Variants in PKHD1 observed in about 807,000 individuals in gnomAD.
The protein encoded by PKHD1 is PKHD1 ciliary IPT domain containing fibrocystin/polyductin.
PKHD1 carries 291 observed loss-of-function variants against 412.0 expected under a neutral mutation model. The ratio of observed to expected loss-of-function variants is 0.71; its 90% CI spans 0.64 to 0.78. PKHD1 has a LOEUF of 0.78. PKHD1 is among the 30% of genes least tolerant of loss of function. The probability of loss-of-function intolerance (pLI) is 0.00; values close to 1 mark genes in which losing one functional copy is unlikely to be tolerated. For missense variants in PKHD1, 4,825 were observed against 4,950.7 expected, an observed-to-expected ratio of 0.97 and a Z score of 0.76; for synonymous variants, 1,777 against 1,821.5, an observed-to-expected ratio of 0.98 and a Z score of 0.62.
chr6:51,975,047 A>T (rs530942084), intron 35 of PKHD1, among the ~76,000 whole-genome samples: 2 of 152,086 alleles, frequency 1.3e-5, no homozygotes, highest in East Asian at 3.9e-4. Context: ...CTATTATTTA[A>T]ACAACAGAAA....
intron 63 of PKHD1, among the ~76,000 whole-genome samples, chr6:51,644,134 A>C (rs1022157386): frequency 6.6e-6 from 1 of 152,106 alleles, no homozygotes; most frequent in Non-Finnish European, 1.5e-5. Flanking sequence ...GGATAATTTC[A>C]TTTTCTGGAA....
At chr6:51,639,002 T>C (rs779340208) in intron 63 of PKHD1, 46 bp from the exon 64 acceptor site, 56 of 1,292,370 alleles carry the variant, frequency 4.3e-5, no homozygotes, top group Non-Finnish European at 6.0e-5. Context: ...TTATCTAATC[T>C]CGAACAATGT....
At chr6:51,658,096 T>C (rs1772189668) in intron 61 of PKHD1, among the ~76,000 whole-genome samples, 1 of 152,124 alleles carries the variant, frequency 6.6e-6, no homozygotes, top group Non-Finnish European at 1.5e-5. Context: ...CATACCACCA[T>C]ACACAATATT....
chr6:51,625,036 G>A (rs1767064329), intron 66 of PKHD1, among the ~76,000 whole-genome samples: 1 of 152,156 alleles, frequency 6.6e-6, no homozygotes, highest in African/African-American at 2.4e-5. Flanking sequence ...CAGTAAAATA[G>A]GAGGGATGTA....
At chr6:51,791,507 C>T in intron 52 of PKHD1, 134 bp from the exon 53 acceptor site, 3 of 769,842 alleles carry the variant, frequency 3.9e-6, no homozygotes, top group Non-Finnish European at 6.7e-6. Context: ...ACTGGAAGAA[C>T]AAATAGTCTG....
chr6:51,763,795 C>T (rs1310969939), intron 55 of PKHD1, among the ~76,000 whole-genome samples: 1 of 152,018 alleles, frequency 6.6e-6, no homozygotes, highest in African/African-American at 2.4e-5. Context: ...TGCTGGGTGT[C>T]TCTGGATCTA....
intron 53 of PKHD1, among the ~76,000 whole-genome samples, chr6:51,788,431 AT>A (rs35808142): frequency 0.34 from 52,031 of 150,924 alleles, 11,046 homozygotes; most frequent in East Asian, 0.68. Flanking sequence ...GTTCTCCTTT[AT>A]TCTGACTTCT....
rs139806932 is a variant in PKHD1 at position 51,801,857 on chromosome 6, T to C, written c.8303-10484A>G. 4.0e-3 allele frequency among the ~76,000 whole-genome samples: 613 copies of C among 152,282 alleles called. 4 individuals carry two copies. The highest frequency in any genetic ancestry group is 0.014 in the African/African-American group (573 of 41,560). The stretch of plus-strand genomic sequence containing the variant: ...ATAGTAGAATAAACATTTTAAATTA[T>C]GATATTTTAATTGATCAATAAAATG... On this transcript the variant is annotated intron_variant, in intron 52 of 66. Transcript: ENST00000371117.
chr6:51,623,849 A>G (rs1445059924), intron 66 of PKHD1, among the ~76,000 whole-genome samples: 1 of 152,186 alleles, frequency 6.6e-6, no homozygotes, highest in Admixed American at 6.5e-5. Flanking sequence ...GGCCTCCCAA[A>G]GTGCTGGGAT....
rs770447071 is a variant in PKHD1, at chr6:51,646,176, T to C, written c.11398+1855A>G. Among the ~76,000 whole-genome samples, 46 of 152,302 alleles carry C rather than the reference T, an allele frequency of 3.0e-4. No individual in the cohort carries two copies. The Middle Eastern group carries it at 0.017, about 56-fold the overall frequency. On this transcript the variant is annotated intron_variant, in intron 63 of 66. Transcript: ENST00000371117. Reference sequence around the variant, plus strand: ...ATATCAGGTTGACATAAAATGAATTTCTCTTCACCTCAAGGTGAAGCCCAG... The same window carrying C: ...ATATCAGGTTGACATAAAATGAATTCCTCTTCACCTCAAGGTGAAGCCCAG...
chr6:51,868,230 T>A, intron 47 of PKHD1, 121 bp from the exon 48 acceptor site: 1 of 948,406 alleles, frequency 1.1e-6, no homozygotes, highest in Admixed American at 2.0e-5. Flanking sequence ...CACCTATTCA[T>A]GCAAGAAAAA....
In PKHD1 at chr6:52,043,012, C is replaced by T; in HGVS notation, c.2944G>A (p.Val982Ile). The part of the protein sequence containing the change: ...KVIFSNQTNV[V>I]CQTDLLPVGM... ...ACAGGTAGCAAATCTGTCTGACAGA[C>T]TACATTGGTCTGGTTTGAGAAAATA... The change falls in exon 27 of 67, where the codon GTC becomes ATC. Residue 982 changes from valine (V) to isoleucine (I), a missense_variant. Coordinates refer to ENST00000371117, the MANE Select transcript of PKHD1 (RefSeq NM_138694.4). 1 of 1,614,078 alleles carries T rather than the reference C, an allele frequency of 6.2e-7. No homozygotes were observed. The highest frequency in any genetic ancestry group is 1.3e-5 in the African/African-American group (1 of 75,036).
intron 28 of PKHD1, among the ~76,000 whole-genome samples, 178 bp from the exon 29 acceptor site, chr6:52,033,343 A>G (rs1803369876): frequency 6.6e-6 from 1 of 152,158 alleles, no homozygotes; most frequent in Non-Finnish European, 1.5e-5. Flanking sequence ...CACTCTCCCC[A>G]TCCTGCCCCC....
rs1233946699 is a variant in PKHD1, at chr6:51,659,446, G to C, written c.10680C>G (p.Ser3560=). The C allele has an allele frequency of 1.9e-6, 3 of 1,613,530 alleles. No individual in the cohort carries two copies. The African/African-American group carries it at 4.0e-5, about 22-fold the overall frequency. ...EEPIEIRSGV[S]IHLALTVMVS... Reference sequence around the variant, plus strand: ...CCATCACAGTGAGGGCCAAGTGAATGGAAACACCTGAGCGTATTTCAATGG... The same window carrying C: ...CCATCACAGTGAGGGCCAAGTGAATCGAAACACCTGAGCGTATTTCAATGG... The change falls in exon 61 of 67, where the codon TCC becomes TCG. Residue 3560 remains serine, a synonymous_variant. Coordinates refer to ENST00000371117, the MANE Select transcript of PKHD1 (RefSeq NM_138694.4).
At chr6:51,676,121 A>T (rs1034456658) in intron 60 of PKHD1, among the ~76,000 whole-genome samples, 2 of 151,878 alleles carry the variant, frequency 1.3e-5, no homozygotes, top group East Asian at 3.9e-4. Flanking sequence ...GGGTTCTAAC[A>T]TATATTAACT....
At chr6:51,889,289 A>G (rs910513900) in intron 43 of PKHD1, among the ~76,000 whole-genome samples, 1 of 152,184 alleles carries the variant, frequency 6.6e-6, no homozygotes, top group African/African-American at 2.4e-5. Context: ...AAGGACCATG[A>G]CACTGTGCCA....
chr6:52,070,731 G>A (rs1810486679), intron 9 of PKHD1, among the ~76,000 whole-genome samples: 1 of 152,126 alleles, frequency 6.6e-6, no homozygotes, highest in Non-Finnish European at 1.5e-5. Flanking sequence ...GTTAGATGGA[G>A]CACCATTTAA....
Position 51,906,285 on chromosome 6 carries a change from C to A in PKHD1, c.6738G>T (p.Met2246Ile), listed in dbSNP as rs940555885. ...VRNSFSRGLS[M>I]CGTLGLKVDS... is the part of the protein sequence containing the mutation. The stretch of plus-strand genomic sequence containing the variant: ...CCACCTTCAGGCCCAAGGTCCCGCA[C>A]ATGCTGAGGCCTCTACTGAAGGAGT... Residue 2246 changes from methionine to isoleucine, a missense_variant, in exon 41 of 67, where the codon ATG becomes ATT. Transcript: ENST00000371117. 7.5e-6 allele frequency: 12 copies of A among 1,609,366 alleles called. No homozygotes were observed. Among genetic ancestry groups the A allele is most frequent in the Admixed American group, 3.3e-5 (2 of 59,868 alleles).
At chr6:52,026,467 T>A (rs1437321283) in intron 31 of PKHD1, among the ~76,000 whole-genome samples, 1 of 152,230 alleles carries the variant, frequency 6.6e-6, no homozygotes, top group African/African-American at 2.4e-5. Flanking sequence ...GCCACCACTT[T>A]AATCAACTTA....
Sources: gnomAD v4.1 joint callset for allele counts (sites outside exome capture counted in the v4.1 genomes callset) on GRCh38, gnomAD v4.1.1 for gene constraint, MANE v1.5 for transcripts, NCBI Gene and HGNC (gene_info 2026-07-23, HGNC 2026-07-21) for gene names.